KCNMA1: variants seen among roughly 807,000 people sequenced by gnomAD.
KCNMA1 encodes potassium calcium-activated channel subfamily M alpha 1.
A neutral mutation model predicts 140.0 loss-of-function variants in KCNMA1; 29 were observed. The observed-to-expected ratio is 0.21, with a 90% CI of 0.15 to 0.28. The LOEUF is 0.28. Among genes scored for constraint, KCNMA1 ranks in the 10% least tolerant of loss-of-function variants. The probability of loss-of-function intolerance (pLI) is 1.00; values close to 1 mark genes in which losing one functional copy is unlikely to be tolerated. For missense variants in KCNMA1, 880 were observed against 1,602.2 expected, an observed-to-expected ratio of 0.55 and a Z score of 7.70; for synonymous variants, 612 against 611.9, an observed-to-expected ratio of 1.00 and a Z score of 0.00.
chr10:77,036,331 T>C (rs2094329520), intron 15 of KCNMA1, among the ~76,000 whole-genome samples: 1 of 152,142 alleles, frequency 6.6e-6, no homozygotes, highest in South Asian at 2.1e-4. Flanking sequence ...TTGCTCTCCT[T>C]CCTGTTCTCT....
chr10:77,634,878 G>T (rs945818030), intron 1 of KCNMA1: 24 of 153,784 alleles, frequency 1.6e-4, no homozygotes, highest in Non-Finnish European at 3.0e-4. Flanking sequence ...CTAACTTACC[G>T]TTACTGCATA....
intron 1 of KCNMA1, among the ~76,000 whole-genome samples, chr10:77,490,562 G>T (rs1317615043): frequency 6.6e-6 from 1 of 152,136 alleles, no homozygotes; most frequent in African/African-American, 2.4e-5. Flanking sequence ...AGTGTGTAGA[G>T]TGCCTACAAC....
chr10:77,384,597 T>C (rs139168719), intron 2 of KCNMA1, among the ~76,000 whole-genome samples: 2,069 of 152,354 alleles, frequency 0.014, 20 homozygotes, highest in Non-Finnish European at 0.022. Context: ...AAAGCCACTC[T>C]TGCCACAGAG....
At chr10:77,008,213 A>G in intron 18 of KCNMA1, 1 of 1,534,268 alleles carries the variant, frequency 6.5e-7, no homozygotes, top group African/African-American at 1.4e-5. Flanking sequence ...TGCAGTTAAA[A>G]TAGAGTAGGG....
At chr10:77,497,737 C>A (rs187672468) in intron 1 of KCNMA1, among the ~76,000 whole-genome samples, 1 of 152,330 alleles carries the variant, frequency 6.6e-6, no homozygotes, top group East Asian at 1.9e-4. Flanking sequence ...AAATCCAGTG[C>A]TCCCAGTCCT....
At chr10:76,929,388 C>T (rs2058691830) in intron 23 of KCNMA1, among the ~76,000 whole-genome samples, 1 of 152,200 alleles carries the variant, frequency 6.6e-6, no homozygotes, top group African/African-American at 2.4e-5. Context: ...CTTGACCTCT[C>T]AAATGGACAC....
chr10:76,970,297 G>T, intron 19 of KCNMA1: 4 of 279,352 alleles, frequency 1.4e-5, no homozygotes, highest in East Asian at 1.2e-4. Context: ...ACTTTAAACA[G>T]ACTAAAACAG....
intron 12 of KCNMA1, chr10:77,079,853 T>C (rs925990766): frequency 1.6e-4 from 72 of 447,316 alleles, no homozygotes; most frequent in African/African-American, 1.1e-3. Context: ...TACTAGATCA[T>C]AGGGGATTGA....
chr10:77,328,457 T>C (rs2085052077), intron 2 of KCNMA1, among the ~76,000 whole-genome samples: 2 of 152,192 alleles, frequency 1.3e-5, no homozygotes, highest in Admixed American at 6.5e-5. Flanking sequence ...TCAGCAGGTG[T>C]GTGCTCAGGC....
chr10:77,358,873 T>C (rs2093712448), intron 2 of KCNMA1, among the ~76,000 whole-genome samples: 1 of 152,234 alleles, frequency 6.6e-6, no homozygotes, highest in Non-Finnish European at 1.5e-5. Flanking sequence ...CTTCGGATCC[T>C]GCCACCTCAT....
intron 1 of KCNMA1, among the ~76,000 whole-genome samples, chr10:77,523,694 T>G (rs1025005300): frequency 6.6e-6 from 1 of 152,234 alleles, no homozygotes; most frequent in African/African-American, 2.4e-5. Context: ...TTGTGGTGTG[T>G]TCAAGTTTTA....
chr10:77,137,808 G>T (rs977974766), intron 5 of KCNMA1, among the ~76,000 whole-genome samples: 2 of 152,072 alleles, frequency 1.3e-5, no homozygotes, highest in African/African-American at 2.4e-5. Flanking sequence ...TTGAGACAGG[G>T]TCTTACTTTG....
At chr10:76,920,020 G>GTGTGTGTGTATATATA (rs1177257916) in intron 23 of KCNMA1, among the ~76,000 whole-genome samples, 1 of 34,430 alleles carries the variant, frequency 2.9e-5, no homozygotes, top group African/African-American at 1.1e-4. Flanking sequence ...GTGTGTGTGT[G>GTGTGTGTGTATATATA]TATATATATA....
At chr10:77,319,230 T>G (rs990628541) in intron 2 of KCNMA1, among the ~76,000 whole-genome samples, 5 of 152,126 alleles carry the variant, frequency 3.3e-5, no homozygotes, top group African/African-American at 1.2e-4. Flanking sequence ...GGTTACACTT[T>G]TTTGAGCTTC....
chr10:77,299,282 T>C (rs1195280168), intron 2 of KCNMA1, among the ~76,000 whole-genome samples: 1 of 152,170 alleles, frequency 6.6e-6, no homozygotes, highest in Non-Finnish European at 1.5e-5. Context: ...AAACGTTGCA[T>C]GTATTGATTA....
At chr10:77,151,502 C>T (rs1435502440) in intron 5 of KCNMA1, among the ~76,000 whole-genome samples, 2 of 152,094 alleles carry the variant, frequency 1.3e-5, no homozygotes, top group African/African-American at 4.8e-5. Flanking sequence ...GCTGGGATTA[C>T]AGGCATGAGC....
chr10:76,971,689 G>C (rs555082169), intron 19 of KCNMA1, among the ~76,000 whole-genome samples: 8 of 152,290 alleles, frequency 5.3e-5, no homozygotes, highest in African/African-American at 1.7e-4. Flanking sequence ...GACTGTATCA[G>C]TCATTTAGAG....
chr10:77,585,909 G>T (rs1289312036), intron 1 of KCNMA1, among the ~76,000 whole-genome samples: 2 of 152,182 alleles, frequency 1.3e-5, no homozygotes, highest in Admixed American at 1.3e-4. Flanking sequence ...TTCTGTAGGG[G>T]AGCACTCCAA....
intron 2 of KCNMA1, among the ~76,000 whole-genome samples, chr10:77,380,940 T>C (rs1468326391): frequency 6.6e-6 from 1 of 152,234 alleles, no homozygotes; most frequent in Non-Finnish European, 1.5e-5. Context: ...ATGACCTCTT[T>C]CTCAGAATGC....
Sources: gnomAD v4.1 joint callset for allele counts (sites outside exome capture counted in the v4.1 genomes callset) on GRCh38, gnomAD v4.1.1 for gene constraint, MANE v1.5 for transcripts, NCBI Gene and HGNC (gene_info 2026-07-23, HGNC 2026-07-21) for gene names.